The following PRTG variants were observed in gnomAD, a reference collection of about 807,000 sequenced individuals.
PRTG encodes immunoglobulin superfamily, DCC subclass, member 5.
PRTG carries 67 observed loss-of-function variants against 122.5 expected under a neutral mutation model. The ratio of observed to expected loss-of-function variants is 0.55; its 90% confidence interval spans 0.45 to 0.67. PRTG has a LOEUF of 0.67. Ranked by LOEUF, PRTG falls within the 30% of genes least tolerant of loss-of-function variation. PRTG has a pLI of 0.00. For synonymous variants in PRTG, 554 were observed against 501.1 expected (o/e 1.11, Z -1.41); for missense variants, 1,435 against 1,415.4 (o/e 1.01, Z -0.22).
At chr15:55,677,414 T>A (rs2059508841) in intron 8 of PRTG, among the ~76,000 whole-genome samples, 2 of 152,262 alleles carry the variant, frequency 1.3e-5, no homozygotes, top group East Asian at 3.9e-4. Context: ...AGTTTATTAT[T>A]TTACTAAACA....
chr15:55,674,469 T>G (rs192694626), intron 9 of PRTG, among the ~76,000 whole-genome samples: 1 of 152,312 alleles, frequency 6.6e-6, no homozygotes, highest in African/African-American at 2.4e-5. Flanking sequence ...TTAGCCTGCT[T>G]TTCACCTTAG....
intron 7 of PRTG, 120 bp from the exon 8 acceptor site, chr15:55,678,164 G>C: frequency 1.5e-6 from 1 of 679,046 alleles, no homozygotes; most frequent in Non-Finnish European, 2.4e-6. Flanking sequence ...TTAAAATCAA[G>C]CATTTGTAGA....
At chr15:55,725,679 G>C (rs1189303026) in intron 2 of PRTG, among the ~76,000 whole-genome samples, 1 of 152,038 alleles carries the variant, frequency 6.6e-6, no homozygotes, top group Non-Finnish European at 1.5e-5. Flanking sequence ...TACAATAAAT[G>C]CAAGTGGATT....
chr15:55,725,001 C>G (rs1387845545), intron 2 of PRTG, among the ~76,000 whole-genome samples: 4 of 152,142 alleles, frequency 2.6e-5, no homozygotes, highest in African/African-American at 7.2e-5. Flanking sequence ...GTAAATGTCA[C>G]TATGTAGGCA....
intron 11 of PRTG, chr15:55,655,781 G>A (rs558987111): frequency 6.6e-6 from 1 of 152,268 alleles, no homozygotes; most frequent in South Asian, 2.1e-4. Flanking sequence ...CACATTCCTA[G>A]AGAATTTTTT....
chr15:55,650,209 AT>A (rs2059346238), intron 11 of PRTG, among the ~76,000 whole-genome samples: 1 of 152,160 alleles, frequency 6.6e-6, no homozygotes, highest in Non-Finnish European at 1.5e-5. Context: ...GTGTTCTCAA[AT>A]TTCTTTAGAT....
Position 55,685,948 on chromosome 15 carries a change from T to A in PRTG, c.398-2017A>T, listed in dbSNP as rs560935713. Among the ~76,000 whole-genome samples, 55 of 152,258 alleles carry A rather than the reference T, an allele frequency of 3.6e-4. 4 individuals carry two copies. The highest frequency in any genetic ancestry group is 1.3e-3 in the African/African-American group (52 of 41,570). On this transcript the variant is annotated intron_variant, in intron 2 of 19. Transcript: ENST00000389286. ...GGTGTTTCACTAACATTGAGCTACT[T>A]TTCATTGCTTCTGTACACTTGCTAG...
chr15:55,714,205 G>GTCTCTCTCTCTCTCTCTCTC (rs3049129), intron 2 of PRTG, among the ~76,000 whole-genome samples: 25 of 142,780 alleles, frequency 1.8e-4, no homozygotes, highest in East Asian at 1.2e-3. Context: ...CTATTTATCT[G>GTCTCTCTCTCTCTCTCTCTC]TCTCTCTCTC....
chr15:55,735,597 C>A (rs887858936), intron 2 of PRTG, among the ~76,000 whole-genome samples: 3 of 150,676 alleles, frequency 2.0e-5, no homozygotes, highest in Admixed American at 1.3e-4. Flanking sequence ...AGGAGCCATA[C>A]CAAATACCCT....
chr15:55,675,196 G>T (rs1465718593), intron 9 of PRTG, among the ~76,000 whole-genome samples: 2 of 152,022 alleles, frequency 1.3e-5, no homozygotes, highest in African/African-American at 4.8e-5. Flanking sequence ...CACTCAATAT[G>T]TAACAGTCAT....
chr15:55,634,949 C>G lies in PRTG; in HGVS notation c.2623+2221G>C, dbSNP rs142422266. ...TCCCAACACTGGTTTCAGACTTGGC[C>G]ATGTAGCTTACTCTGCCCAATCAGA... On this transcript the variant is annotated intron_variant, in intron 15 of 19. Coordinates refer to ENST00000389286, the MANE Select transcript of PRTG (RefSeq NM_173814.6). Among the ~76,000 whole-genome samples, 3 of 152,254 alleles carry G rather than the reference C, an allele frequency of 2.0e-5. No homozygotes were observed. The East Asian group carries it at 5.8e-4, about 29-fold the overall frequency.
At chr15:55,660,319 TG>T (rs1567087461) in intron 11 of PRTG, among the ~76,000 whole-genome samples, 3 of 152,274 alleles carry the variant, frequency 2.0e-5, no homozygotes, top group African/African-American at 7.2e-5. Context: ...GTTTTTTTTC[TG>T]TCCACCCTGA....
At chr15:55,673,331 TA>T (rs1212030792) in intron 10 of PRTG, 39 bp downstream of exon 10, 1 of 1,441,822 alleles carries the variant, frequency 6.9e-7, no homozygotes. Flanking sequence ...GATTCAAAAG[TA>T]AAAATACTGT....
chr15:55,672,817 T>C (rs2059480420), intron 10 of PRTG, among the ~76,000 whole-genome samples, 184 bp from the exon 11 acceptor site: 1 of 152,152 alleles, frequency 6.6e-6, no homozygotes, highest in Non-Finnish European at 1.5e-5. Context: ...ATTTAAAATA[T>C]ATAAAATACT....
chr15:55,665,839 G>C (rs553182189), intron 11 of PRTG, among the ~76,000 whole-genome samples: 82 of 152,088 alleles, frequency 5.4e-4, no homozygotes, highest in Non-Finnish European at 8.1e-4. Flanking sequence ...ACAGACATGA[G>C]ATTATATTTC....
At chr15:55,639,592 G>T in intron 13 of PRTG, 50 bp downstream of exon 13, 1 of 1,507,072 alleles carries the variant, frequency 6.6e-7, no homozygotes, top group Non-Finnish European at 9.1e-7. Flanking sequence ...GTTGGAGTGG[G>T]GGTGTGGTGA....
At position 55,620,250 on chromosome 15, in the gene PRTG, G is replaced by T; in HGVS notation, c.3215C>A (p.Thr1072Asn). 6.2e-7 allele frequency: 1 copy of T among 1,613,964 alleles called. No homozygotes were observed. Among genetic ancestry groups the T allele is most frequent in the African/African-American group, 1.3e-5 (1 of 75,026 alleles). Residue 1072 changes from threonine to asparagine, a missense_variant, in exon 20 of 20, where the codon ACT becomes AAT. Thr to Asn is a moderately conservative substitution (Grantham distance 65, BLOSUM62 0). Coordinates refer to ENST00000389286, the MANE Select transcript of PRTG (RefSeq NM_173814.6). ...TGGCTGGTAAAAGCAGACCGCTGGA[G>T]TAAATCTTCTTTGAGGCTAGGCAAA... ...IQVEQPQRRF[T>N]PAVCFYQPGT...
At chr15:55,640,840 G>A (rs909436973) in intron 12 of PRTG, among the ~76,000 whole-genome samples, 3 of 148,996 alleles carry the variant, frequency 2.0e-5, no homozygotes, top group Non-Finnish European at 3.0e-5. Context: ...TGAAAACCCC[G>A]TCTCTACTAA....
rs1427180012 is a variant in PRTG at position 55,678,012 on chromosome 15, T to C, written c.1166A>G (p.Asp389Gly). 6.2e-7 allele frequency: 1 copy of C among 1,600,014 alleles called. No homozygotes were observed. Among genetic ancestry groups the C allele is most frequent in the Non-Finnish European group, 8.6e-7 (1 of 1,168,490 alleles). The part of the protein sequence containing the change: ...KLVINQIIPE[D>G]DAIYQCMAEN... ...AGCCATGCACTGATAAATAGCATCA[T>C]CTTCAGGAATAATCTGGTTAATTAC... Residue 389 changes from aspartate (D) to glycine (G), a missense_variant, in exon 8 of 20, where the codon GAT (aspartate) becomes GGT (glycine). Coordinates refer to ENST00000389286, the MANE Select transcript of PRTG (RefSeq NM_173814.6).
Sources: allele counts gnomAD v4.1 joint callset (sites outside exome capture counted in the v4.1 genomes callset), GRCh38; gene constraint gnomAD v4.1.1; transcripts MANE v1.5; gene names NCBI Gene and HGNC (gene_info 2026-07-23, HGNC 2026-07-21).